The following KCNAB2 variants were observed in gnomAD, a reference collection of about 807,000 sequenced individuals.
KCNAB2 encodes the protein voltage-gated potassium channel subunit beta-2.
In KCNAB2, 29 loss-of-function variants were observed where a neutral mutation model predicts 63.6. That is an observed-to-expected ratio of 0.46 (90% confidence interval 0.34 to 0.62). The LOEUF is 0.62. Among genes scored for constraint, KCNAB2 ranks in the 20% least tolerant of loss-of-function variants. KCNAB2 has a pLI of 0.01. For synonymous variants in KCNAB2, 222 were observed against 224.2 expected (o/e 0.99, Z 0.09); for missense variants, 359 against 563.9 (o/e 0.64, Z 3.68).
At chr1:6,044,804 G>A (rs1357403519), upstream of KCNAB2, among the ~76,000 whole-genome samples, 4 of 152,212 alleles carry the variant, frequency 2.6e-5, no homozygotes, top group Non-Finnish European at 4.4e-5. Context: ...GAACTGCACA[G>A]AGAGAGAATG....
rs1000034168 is a variant in KCNAB2, at chr1:6,099,821, G to A, written c.*1247G>A. 2 of 1,533,834 alleles carry A rather than the reference G, an allele frequency of 1.3e-6. No homozygotes were observed. Among genetic ancestry groups the A allele is most frequent in the Non-Finnish European group, 1.8e-6 (2 of 1,138,434 alleles). On this transcript the variant is annotated 3_prime_UTR_variant, in exon 16 of 16. Coordinates refer to ENST00000378083, the MANE Select transcript of KCNAB2 (RefSeq NM_001199862.2). ...CACTGCCTGACACCTGGGACAGGCT[G>A]GGCAGAGGGGAGAGAGGGCAGGACA...
chr1:6,025,828 GCAGCCCACCC>G (rs532313666), intron 1 of KCNAB2, among the ~76,000 whole-genome samples: 17 of 152,146 alleles, frequency 1.1e-4, no homozygotes, highest in South Asian at 1.0e-3. Flanking sequence ...TAAAAGGTGG[GCAGCCCACCC>G]CAGCACACAG....
At chr1:6,039,279 A>G (rs1295088) in intron 1 of KCNAB2, among the ~76,000 whole-genome samples, 129,109 of 152,160 alleles carry the variant, frequency 0.85, 55,126 homozygotes, top group East Asian at 0.95. Flanking sequence ...TAGGGGCCTG[A>G]GGGGGCAGTG....
chr1:6,056,044 A>G (rs1451988392), intron 2 of KCNAB2, among the ~76,000 whole-genome samples: 9 of 138,962 alleles, frequency 6.5e-5, no homozygotes. Context: ...TGCCTGTTAC[A>G]CTTCCCCAGT....
rs537895313 is a variant in KCNAB2, at chr1:6,071,595, G to A, written c.219-1160G>A. Among the ~76,000 whole-genome samples, 6 of 152,324 alleles carry A rather than the reference G, an allele frequency of 3.9e-5. No homozygotes were observed. Among genetic ancestry groups the A allele is most frequent in the African/African-American group, 1.2e-4 (5 of 41,566 alleles). ...CTCCTCCGCGTGCTGGGCAGGTATC[G>A]TAACGTGGGAATCGATGTCACGACA... On this transcript the variant is annotated intron_variant, in intron 2 of 15. Coordinates refer to ENST00000378083, the MANE Select transcript of KCNAB2 (RefSeq NM_001199862.2). This position sits in a 1 kb window ranked among gnomAD's most constrained non-coding sequence, Gnocchi z 8.5.
At position 6,073,910 on chromosome 1, in the gene KCNAB2, G is replaced by T. The variant is rs1571031426; in HGVS notation, c.300+140G>T. On this transcript the variant is annotated intron_variant, in intron 4 of 15. Coordinates refer to ENST00000378083, the MANE Select transcript of KCNAB2 (RefSeq NM_001199862.2). This position sits in a 1 kb window ranked among gnomAD's most constrained non-coding sequence, Gnocchi z 5.7. ...TCCCTCCCTCTTTCTGTTTTGTGAG[G>T]GCGCCCTGCCCCAGGGGAGAGTAGA... is the stretch of plus-strand genomic sequence containing the variant. 6 of 852,954 alleles carry T rather than the reference G, an allele frequency of 7.0e-6. No individual in the cohort carries two copies. In the East Asian group the frequency reaches 1.5e-4, roughly 22 times the overall value. The allele number at this position is 852,954 out of a possible 1,614,324, so 52.8% of individuals were successfully genotyped here.
intron 1 of KCNAB2, chr1:6,027,537 A>G (rs899064509): frequency 1.3e-5 from 2 of 152,148 alleles, no homozygotes; most frequent in African/African-American, 4.8e-5. Flanking sequence ...AGGCATGGGA[A>G]TTTTTTGGCT....
intron 1 of KCNAB2, among the ~76,000 whole-genome samples, chr1:6,016,605 C>T (rs1409892396): frequency 6.6e-6 from 1 of 152,222 alleles, no homozygotes; most frequent in Non-Finnish European, 1.5e-5. Context: ...GTGCAAGGAG[C>T]TTTTAAGCCA....
chr1:6,075,240 G>C (rs1663562863), intron 4 of KCNAB2, among the ~76,000 whole-genome samples: 1 of 152,220 alleles, frequency 6.6e-6, no homozygotes, highest in Non-Finnish European at 1.5e-5. Flanking sequence ...TATTAGCTGG[G>C]TGGCCTGTAT....
At chr1:6,063,991 T>G (rs2100606919) in intron 2 of KCNAB2, among the ~76,000 whole-genome samples, 1 of 152,294 alleles carries the variant, frequency 6.6e-6, no homozygotes, top group Non-Finnish European at 1.5e-5. Flanking sequence ...CTGTGCTGCT[T>G]AACGTGCACC....
At position 6,069,411 on chromosome 1, in the gene KCNAB2, G is replaced by A. The variant is rs1354280416; in HGVS notation, c.219-3344G>A. ...TCTGAAGTGCAGTTTTTAGGGGTGTGCAGCAGCCGGGGGCTCCACGATGGG... is the reference window on the plus strand; with the variant it reads ...TCTGAAGTGCAGTTTTTAGGGGTGTACAGCAGCCGGGGGCTCCACGATGGG... On this transcript the variant is annotated intron_variant, in intron 2 of 15. Coordinates refer to ENST00000378083, the MANE Select transcript of KCNAB2 (RefSeq NM_001199862.2). The surrounding 1 kb of genome is among the most constrained non-coding windows in gnomAD (Gnocchi z 5.4). Among the ~76,000 whole-genome samples the A allele has an allele frequency of 6.6e-6, 1 of 152,172 alleles. No homozygotes were observed. The highest frequency in any genetic ancestry group is 1.5e-5 in the Non-Finnish European group (1 of 68,030).
At chr1:6,062,298 GAAAAA>G (rs796870932) in intron 2 of KCNAB2, among the ~76,000 whole-genome samples, 1 of 112,752 alleles carries the variant, frequency 8.9e-6, no homozygotes, top group Non-Finnish European at 1.9e-5. Context: ...TGGGCAACAA[GAAAAA>G]AAAAAAGAAG....
intron 5 of KCNAB2, among the ~76,000 whole-genome samples, chr1:6,084,687 G>GCC (rs1313074734): frequency 1.3e-5 from 2 of 152,160 alleles, no homozygotes; most frequent in East Asian, 3.9e-4. Context: ...GTGGTGGCAG[G>GCC]TGCCTGTAGT....
At chr1:6,082,137 C>G (rs1372523474) in intron 4 of KCNAB2, 58 bp from the exon 5 acceptor site, 2 of 1,483,696 alleles carry the variant, frequency 1.3e-6, no homozygotes, top group African/African-American at 2.8e-5. Context: ...GGGTGGTGCT[C>G]CAGAGCCTCT....
chr1:6,081,157 C>G (rs1664178158), intron 4 of KCNAB2, among the ~76,000 whole-genome samples: 1 of 152,244 alleles, frequency 6.6e-6, no homozygotes, highest in African/African-American at 2.4e-5. Context: ...AGCCATGGAG[C>G]AAAGTCTGAT....
chr1:6,011,531 G>C (rs1249926861), intron 1 of KCNAB2, among the ~76,000 whole-genome samples: 1 of 152,230 alleles, frequency 6.6e-6, no homozygotes, highest in Non-Finnish European at 1.5e-5. Flanking sequence ...GGGGTTGAAG[G>C]ATGGAAAGGT....
At chr1:6,040,539 G>T (rs201381401) in exon 2 of KCNAB2, 134 of 1,605,488 alleles carry the variant, frequency 8.3e-5, no homozygotes, top group Middle Eastern at 1.6e-4. Context: ...GTAAAAAACC[G>T]AGCAAGTCTG....
At chr1:6,032,584 AAGAG>A (rs529744894), upstream of KCNAB2, among the ~76,000 whole-genome samples, 221 of 150,364 alleles carry the variant, frequency 1.5e-3, 2 homozygotes, top group East Asian at 0.021. Context: ...AAAAAAAAAA[AAGAG>A]AGAGAGAGAG....
chr1:6,035,208 C>CG lies in KCNAB2; in HGVS notation c.-53+414_-53+415insG, dbSNP rs1659936273. On this transcript the variant is annotated intron_variant, in intron 1 of 15. Coordinates refer to the KCNAB2 transcript ENST00000164247. The surrounding 1 kb of genome is among the most constrained non-coding windows in gnomAD (Gnocchi z 5.0). ...GTCTGTCTGCTGGGTTCACAGACCC[C>CG]CAGGGAGCCAGTGTGGCAGGGGCCA... Among the ~76,000 whole-genome samples, 1 of 151,866 alleles carries CG rather than the reference C, an allele frequency of 6.6e-6. No homozygotes were observed. The highest frequency in any genetic ancestry group is 6.6e-5 in the Admixed American group (1 of 15,250).
Sources: gnomAD v4.1 joint callset for allele counts (sites outside exome capture counted in the v4.1 genomes callset) on GRCh38, gnomAD v4.1.1 for gene constraint, Gnocchi (gnomAD v3.1) non-coding constraint, MANE v1.5 for transcripts, NCBI Gene and HGNC (gene_info 2026-07-23, HGNC 2026-07-21) for gene names.